The following F11 variants were observed in gnomAD, a reference collection of about 807,000 sequenced individuals.
F11 encodes the protein coagualtion factor XI.
In F11, 78 loss-of-function variants were observed where a neutral mutation model predicts 76.5. That is an observed-to-expected ratio of 1.02 (90% CI 0.85 to 1.23). F11 has a LOEUF of 1.23. F11 is among the 50% of genes most tolerant of loss of function. F11 has a pLI of 0.00. For synonymous variants in F11, 278 were observed against 276.3 expected (o/e 1.01, Z -0.06); for missense variants, 742 against 771.4 (o/e 0.96, Z 0.45).
At chr4:186,277,293 C>G (rs1261675893) in intron 7 of F11, among the ~76,000 whole-genome samples, 1 of 152,134 alleles carries the variant, frequency 6.6e-6, no homozygotes, top group African/African-American at 2.4e-5. Flanking sequence ...ACCACATTTT[C>G]TTTATCCATT....
intron 13 of F11, 97 bp from the exon 14 acceptor site, chr4:186,287,587 T>TAAA: frequency 4.4e-6 from 2 of 453,604 alleles, no homozygotes; most frequent in Non-Finnish European, 6.5e-6. Flanking sequence ...CCGTCTCAAT[T>TAAA]AAAAATATAT....
At chr4:186,271,516 A>T in intron 2 of F11, 93 bp from the exon 3 acceptor site, 2 of 1,369,254 alleles carry the variant, frequency 1.5e-6, no homozygotes, top group Non-Finnish European at 2.1e-6. Flanking sequence ...CCTGGTAAGT[A>T]GAGCTACTTG....
At chr4:186,268,140 T>TA (rs946464284) in intron 2 of F11, among the ~76,000 whole-genome samples, 6 of 151,570 alleles carry the variant, frequency 4.0e-5, no homozygotes, top group African/African-American at 7.3e-5. Context: ...TGAAATTTTT[T>TA]AAAAAAAATT....
At position 186,285,322 on chromosome 4, in the gene F11, C is replaced by CGT. The variant is rs150017330; in HGVS notation, c.1305-304_1305-303dup. Among the ~76,000 whole-genome samples the CGT allele has an allele frequency of 2.7e-3, 409 of 150,772 alleles. 1 individual carries two copies. Among genetic ancestry groups the CGT allele is most frequent in the African/African-American group, 9.0e-3 (371 of 41,088 alleles). ...GATTGAGACTGAGTCCAGCGGTCTT[C>CGT]GTGTGTGTGTGTGCGTGTGTGTCTG... On this transcript the variant is annotated intron_variant, in intron 11 of 14. Transcript: ENST00000403665.
Position 186,280,097 on chromosome 4 carries a change from C to G in F11, c.841C>G (p.Gln281Glu). The G allele has an allele frequency of 6.2e-7, 1 of 1,614,142 alleles. No individual in the cohort carries two copies. The highest frequency in any genetic ancestry group is 8.5e-7 in the Non-Finnish European group (1 of 1,180,008). The change falls in exon 8 of 15, where the codon CAA becomes GAA. Residue 281 changes from glutamine (Q) to glutamate (E), a missense_variant. Physicochemically the swap from Gln to Glu is conservative, Grantham distance 29 (BLOSUM62 2). Coordinates refer to ENST00000403665, the MANE Select transcript of F11 (RefSeq NM_000128.4). ...CAAAGCTCTTTCTGGTTTCAGTCTA[C>G]AAAGCTGCAGGCACAGCATCCCAGG... ...KSKALSGFSL[Q>E]SCRHSIPVFC...
At chr4:186,267,041 C>T (rs1739558288) in intron 1 of F11, 95 bp from the exon 2 acceptor site, 1 of 803,518 alleles carries the variant, frequency 1.2e-6, no homozygotes, top group Non-Finnish European at 2.2e-6. Context: ...TAACTACTCC[C>T]CTCTCTCCCT....
In F11 at chr4:186,267,203, GTTATC is replaced by G. The variant is rs772071386; in HGVS notation, c.55+16_55+20del. ...TTCAGTTTCTGGTGGTAAGTAGAGT[GTTATC>G]TTAACTATGGGCTGGGAGAGGGAAA... is the stretch of plus-strand genomic sequence containing the variant. On this transcript the variant is annotated intron_variant, in intron 2 of 14. Coordinates refer to ENST00000403665, the MANE Select transcript of F11 (RefSeq NM_000128.4). 38 of 1,501,560 alleles carry G rather than the reference GTTATC, an allele frequency of 2.5e-5. No individual in the cohort carries two copies. Among genetic ancestry groups the G allele is most frequent in the East Asian group, 4.5e-5 (2 of 44,274 alleles). 93.0% of individuals were successfully genotyped at this position (1,501,560 alleles called of 1,614,324 possible).
intron 2 of F11, among the ~76,000 whole-genome samples, chr4:186,270,138 T>C (rs1739823809): frequency 6.6e-6 from 1 of 152,200 alleles, no homozygotes; most frequent in African/African-American, 2.4e-5. Flanking sequence ...CCTAGAAAAA[T>C]CCAAAATTAA....
At chr4:186,269,706 C>A (rs988957349) in intron 2 of F11, among the ~76,000 whole-genome samples, 5 of 152,080 alleles carry the variant, frequency 3.3e-5, no homozygotes, top group African/African-American at 1.2e-4. Flanking sequence ...ATGTAAATAC[C>A]CTTAGTGCCA....
rs1423578143 is a variant in F11 at position 186,280,476 on chromosome 4, G to T, written c.1031G>T (p.Gly344Val). Residue 344 changes from glycine to valine, a missense_variant and splice_region_variant, in exon 10 of 15, where the codon GGC becomes GTC. Coordinates refer to ENST00000403665, the MANE Select transcript of F11 (RefSeq NM_000128.4). The stretch of plus-strand genomic sequence containing the variant: ...TACCGTTTTGTTTCCAACTGCAGGG[G>T]CAAGTGTTACTTAAAGCTTTCTTCA... ...PAQASCNEGKGKCYLKLSSNG... is the reference protein window; with the variant it reads ...PAQASCNEGKVKCYLKLSSNG... 1 of 1,614,162 alleles carries T rather than the reference G, an allele frequency of 6.2e-7. No homozygotes were observed. The highest frequency in any genetic ancestry group is 1.1e-5 in the South Asian group (1 of 91,080).
Position 186,273,164 on chromosome 4 carries a change from A to T in F11, c.312A>T (p.Ser104=), listed in dbSNP as rs1740106721. ...AISGYSFKQC[S]HQISACNKDI... The stretch of plus-strand genomic sequence containing the variant: ...CTGGGTATTCTTTCAAGCAATGCTC[A>T]CACCAAATAAGCGGTAAGATATGTT... The change falls in exon 4 of 15, where the codon TCA becomes TCT. Residue 104 remains serine, a synonymous_variant. Transcript: ENST00000403665. The T allele has an allele frequency of 6.2e-7, 1 of 1,612,758 alleles. No individual in the cohort carries two copies. The highest frequency in any genetic ancestry group is 8.5e-7 in the Non-Finnish European group (1 of 1,178,762).
At position 186,280,059 on chromosome 4, in the gene F11, G is replaced by A. The variant is rs201688862; in HGVS notation, c.803G>A (p.Arg268His). 1.8e-5 allele frequency: 29 copies of A among 1,614,066 alleles called. No individual in the cohort carries two copies. Among genetic ancestry groups the A allele is most frequent in the African/African-American group, 1.2e-4 (9 of 75,008 alleles). Residue 268 changes from arginine (R) to histidine (H), a missense_variant, in exon 8 of 15, where the codon CGC becomes CAC. Coordinates refer to ENST00000403665, the MANE Select transcript of F11 (RefSeq NM_000128.4). Reference protein sequence around the residue: ...KTSESGLPSTRIKKSKALSGF... With the variant: ...KTSESGLPSTHIKKSKALSGF... ...TCTGAGAGTGGATTGCCCAGTACAC[G>A]CATTAAAAAGAGCAAAGCTCTTTCT... is the stretch of plus-strand genomic sequence containing the variant.
chr4:186,274,845 T>C (rs1360119062), intron 5 of F11: 3 of 173,114 alleles, frequency 1.7e-5, no homozygotes, highest in Non-Finnish European at 3.8e-5. Context: ...TATTCAGAAA[T>C]ATTTGAGATG....
intron 10 of F11, chr4:186,282,033 TA>T: frequency 8.0e-7 from 1 of 1,248,946 alleles, no homozygotes; most frequent in South Asian, 1.3e-5. Context: ...TTCCTCACAA[TA>T]AATTTCCCTA....
At chr4:186,274,356 T>C (rs1398554031) in intron 5 of F11, 81 bp downstream of exon 5, 1 of 1,570,730 alleles carries the variant, frequency 6.4e-7, no homozygotes, top group East Asian at 2.3e-5. Context: ...ATCAACTTTA[T>C]GCCAGAATTT....
At chr4:186,278,804 C>G (rs906875105) in intron 7 of F11, among the ~76,000 whole-genome samples, 3 of 152,166 alleles carry the variant, frequency 2.0e-5, no homozygotes, top group Non-Finnish European at 4.4e-5. Context: ...CACCAATATA[C>G]AGCTGATACT....
chr4:186,273,323 T>A, intron 4 of F11, 146 bp downstream of exon 4: 1 of 720,610 alleles, frequency 1.4e-6, no homozygotes, highest in Non-Finnish European at 2.5e-6. Flanking sequence ...GAGTATAAAC[T>A]AGTATACATA....
At chr4:186,271,149 A>G (rs996368678) in intron 2 of F11, among the ~76,000 whole-genome samples, 8 of 152,152 alleles carry the variant, frequency 5.3e-5, no homozygotes, top group Admixed American at 2.6e-4. Flanking sequence ...TGGGGTGAGG[A>G]TGTGTGTTAT....
At chr4:186,287,877 G>T in intron 14 of F11, 54 bp downstream of exon 14, 2 of 1,580,488 alleles carry the variant, frequency 1.3e-6, no homozygotes, top group Non-Finnish European at 8.6e-7. Context: ...TGCTTAATGC[G>T]TTGGGGTTTT....
Sources: allele counts gnomAD v4.1 joint callset (sites outside exome capture counted in the v4.1 genomes callset), GRCh38; gene constraint gnomAD v4.1.1; transcripts MANE v1.5; gene names NCBI Gene and HGNC (gene_info 2026-07-23, HGNC 2026-07-21).